FGF13: variants seen among roughly 807,000 people sequenced by gnomAD.
FGF13 encodes fibroblast growth factor homologous factor 2.
Under a neutral mutation model 19.5 loss-of-function variants are expected in FGF13, and 2 were observed. The ratio of observed to expected loss-of-function variants is 0.10; its 90% CI spans 0.04 to 0.32. The LOEUF (loss-of-function observed/expected upper bound fraction) is 0.32. FGF13 is among the 10% of genes least tolerant of loss of function. FGF13 has a pLI of 1.00. For synonymous variants in FGF13, 72 were observed against 76.9 expected, an observed-to-expected ratio of 0.94 and a Z score of 0.33; for missense variants, 113 against 192.7, an observed-to-expected ratio of 0.59 and a Z score of 2.45.
At chrX:138,693,432 T>C (rs1462252515) in intron 3 of FGF13, among the ~76,000 whole-genome samples, 1 of 111,857 alleles carries the variant, frequency 8.9e-6, no homozygotes, top group African/African-American at 3.2e-5. Flanking sequence ...AAATAAAATT[T>C]GCTTATTTTC....
At chrX:138,739,407 C>T, upstream of FGF13, 1 of 566,225 alleles carries the variant, frequency 1.8e-6, no homozygotes, top group East Asian at 3.7e-5. Flanking sequence ...CAAGCCCATA[C>T]TCTCAGTATA....
chrX:138,906,261 C>G (rs1453278067), intron 1 of FGF13, among the ~76,000 whole-genome samples: 1 of 111,951 alleles, frequency 8.9e-6, no homozygotes, highest in African/African-American at 3.2e-5. Flanking sequence ...ACAGTATGTA[C>G]CATGCAGAGT....
At chrX:139,116,927 G>A (rs1035635179) in intron 1 of FGF13, among the ~76,000 whole-genome samples, 1 of 111,295 alleles carries the variant, frequency 9.0e-6, no homozygotes, top group Non-Finnish European at 1.9e-5. Flanking sequence ...TCTAAGATGC[G>A]CTGTGCTACC....
At chrX:138,669,170 A>T (rs1384930232) in intron 3 of FGF13, among the ~76,000 whole-genome samples, 2 of 110,653 alleles carry the variant, frequency 1.8e-5, no homozygotes, top group African/African-American at 6.6e-5. Context: ...GTAGTCCAGG[A>T]GGTAGTGAAG....
rs1044744411 is a variant in FGF13 at position 138,871,713 on chromosome X, C to G, written c.-112-7063G>C. ...AGAGATACCCAGGAGAAAAGAGTTT[C>G]CAGTAGAAGTATCAAAAATGTAAAG... On this transcript the variant is annotated intron_variant, in intron 1 of 2. Transcript: ENST00000421460. Among the ~76,000 whole-genome samples the G allele has an allele frequency of 3.8e-4, 42 of 110,813 alleles. 1 individual carries two copies. Among genetic ancestry groups the G allele is most frequent in the African/African-American group, 1.3e-3 (41 of 30,474 alleles).
intron 1 of FGF13, among the ~76,000 whole-genome samples, chrX:139,065,603 C>T (rs1019737365): frequency 2.7e-5 from 3 of 110,114 alleles, no homozygotes; most frequent in Non-Finnish European, 5.7e-5. Context: ...GTAAAGGGAT[C>T]AATACAACCA....
intron 3 of FGF13, among the ~76,000 whole-genome samples, chrX:138,755,010 T>G (rs2090422847): frequency 8.9e-6 from 1 of 111,947 alleles, no homozygotes; most frequent in African/African-American, 3.3e-5. Flanking sequence ...ATTGCTGTAA[T>G]AAATCTTAGC....
chrX:138,823,010 A>T (rs1030234027), intron 3 of FGF13, among the ~76,000 whole-genome samples: 2 of 111,681 alleles, frequency 1.8e-5, no homozygotes, highest in Non-Finnish European at 3.8e-5. Flanking sequence ...GTCACATATC[A>T]GAGAACATCA....
chrX:138,843,006 AT>A (rs1176335520), intron 3 of FGF13, among the ~76,000 whole-genome samples: 1 of 111,948 alleles, frequency 8.9e-6, no homozygotes, highest in Non-Finnish European at 1.9e-5. Context: ...AATGTTATTC[AT>A]TATCAAGTAT....
intron 1 of FGF13, among the ~76,000 whole-genome samples, chrX:138,992,474 G>C (rs1209326469): frequency 1.8e-5 from 2 of 110,932 alleles, no homozygotes; most frequent in Admixed American, 1.9e-4. Context: ...CATTTCTGTG[G>C]TTTCATTTTT....
intron 1 of FGF13, among the ~76,000 whole-genome samples, chrX:139,028,582 CGTGTGTGTGTGTGTGT>C (rs1203709668): frequency 1.6e-5 from 1 of 61,605 alleles, no homozygotes; most frequent in Non-Finnish European, 3.2e-5. Flanking sequence ...GGAGAGAGAG[CGTGTGTGTGTGTGTGT>C]GTGTGTGTGT....
intron 1 of FGF13, among the ~76,000 whole-genome samples, chrX:139,159,655 C>CAA (rs550001786): frequency 0.053 from 2,729 of 51,570 alleles, 258 homozygotes; most frequent in African/African-American, 0.18. Context: ...AAAGAGAAAG[C>CAA]AAAAAAAAAA....
intron 1 of FGF13, among the ~76,000 whole-genome samples, chrX:139,095,317 C>T (rs763815321): frequency 8.9e-6 from 1 of 112,268 alleles, no homozygotes; most frequent in Non-Finnish European, 1.9e-5. Flanking sequence ...GAATTGCACA[C>T]ATCACACATT....
chrX:138,853,377 A>G (rs756207510), downstream of FGF13, among the ~76,000 whole-genome samples: 1 of 111,491 alleles, frequency 9.0e-6, no homozygotes, highest in African/African-American at 3.3e-5. Context: ...ATGGTGATGT[A>G]TGCTCTTTCT....
chrX:138,855,496 C>T (rs1238194872), downstream of FGF13, among the ~76,000 whole-genome samples: 15 of 111,499 alleles, frequency 1.3e-4, no homozygotes, highest in Non-Finnish European at 1.9e-5. Context: ...GCTTTGATAT[C>T]GTGGCAGGAG....
At chrX:138,707,329 G>A (rs1453627703) in intron 2 of FGF13, among the ~76,000 whole-genome samples, 1 of 110,717 alleles carries the variant, frequency 9.0e-6, no homozygotes, top group Non-Finnish European at 1.9e-5. Flanking sequence ...TTTCTTCTCT[G>A]ATTTGTACCC....
At position 139,074,490 on chromosome X, in the gene FGF13, T is replaced by C. The variant is rs965781202; in HGVS notation, c.-113+128926A>G. On this transcript the variant is annotated intron_variant, in intron 1 of 2. Coordinates refer to the FGF13 transcript ENST00000421460. ...TGTTCAAGGTCACACAATCCATTCATTTTTCTCCTTGATTCTACCTTAGTC... is the reference window on the plus strand; with the variant it reads ...TGTTCAAGGTCACACAATCCATTCACTTTTCTCCTTGATTCTACCTTAGTC... Among the ~76,000 whole-genome samples, 12 of 111,916 alleles carry C rather than the reference T, an allele frequency of 1.1e-4. 1 individual carries two copies. Among genetic ancestry groups the C allele is most frequent in the Non-Finnish European group, 5.6e-5 (3 of 53,198 alleles).
intron 1 of FGF13, among the ~76,000 whole-genome samples, chrX:138,920,521 T>C (rs185894729): frequency 1.6e-3 from 183 of 111,837 alleles, no homozygotes; most frequent in African/African-American, 5.3e-3. Flanking sequence ...AGTTAACCTA[T>C]GGAGGCTTTT....
At chrX:139,095,188 G>T (rs2083463114) in intron 1 of FGF13, among the ~76,000 whole-genome samples, 1 of 111,743 alleles carries the variant, frequency 8.9e-6, no homozygotes, top group Non-Finnish European at 1.9e-5. Flanking sequence ...AGATGGGGTT[G>T]GAACTACCTG....
Sources: gnomAD v4.1 joint callset for allele counts (sites outside exome capture counted in the v4.1 genomes callset) on GRCh38, gnomAD v4.1.1 for gene constraint, MANE v1.5 for transcripts, NCBI Gene and HGNC (gene_info 2026-07-23, HGNC 2026-07-21) for gene names.